The following BCL2L13 variants were observed in gnomAD, a reference collection of about 807,000 sequenced individuals.
BCL2L13 encodes BCL2 like 13.
A neutral mutation model predicts 25.8 loss-of-function variants in BCL2L13; 13 were observed. The ratio of observed to expected loss-of-function variants is 0.50; its 90% CI spans 0.33 to 0.80. The LOEUF is 0.80. Ranked by LOEUF, BCL2L13 falls within the 30% of genes least tolerant of loss-of-function variation. BCL2L13 has a pLI of 0.02. For synonymous variants in BCL2L13, 244 were observed against 230.3 expected, an observed-to-expected ratio of 1.06 and a Z score of -0.54; for missense variants, 504 against 574.9, an observed-to-expected ratio of 0.88 and a Z score of 1.26.
At chr22:17,703,731 G>T (rs1209865384) in intron 6 of BCL2L13, 3 of 152,112 alleles carry the variant, frequency 2.0e-5, no homozygotes, top group African/African-American at 7.2e-5. Flanking sequence ...TTTGTCTTAG[G>T]AAAATAAAAA....
chr22:17,637,878 A>G (rs1254928688), upstream of BCL2L13, among the ~76,000 whole-genome samples: 2 of 152,138 alleles, frequency 1.3e-5, no homozygotes, highest in African/African-American at 4.8e-5. Flanking sequence ...GAATTCACCT[A>G]TAGTGTACAA....
At chr22:17,637,384 G>A (rs2058128937), upstream of BCL2L13, among the ~76,000 whole-genome samples, 1 of 149,302 alleles carries the variant, frequency 6.7e-6, no homozygotes, top group Non-Finnish European at 1.5e-5. Context: ...TCCAGCCTGG[G>A]CGACAGAGTG....
intron 1 of BCL2L13, among the ~76,000 whole-genome samples, chr22:17,652,523 C>G (rs1380747194): frequency 6.6e-6 from 1 of 151,944 alleles, no homozygotes; most frequent in African/African-American, 2.4e-5. Context: ...ATTTCAACCT[C>G]TTCCTCCTGG....
intron 6 of BCL2L13, among the ~76,000 whole-genome samples, chr22:17,713,705 C>G (rs1236838110): frequency 1.3e-5 from 2 of 151,644 alleles, no homozygotes; most frequent in Non-Finnish European, 2.9e-5. Flanking sequence ...CGTGATCCAC[C>G]CACCTCAGCC....
chr22:17,657,793 G>T (rs956313226), intron 2 of BCL2L13, among the ~76,000 whole-genome samples: 1 of 148,782 alleles, frequency 6.7e-6, no homozygotes, highest in Non-Finnish European at 1.5e-5. Flanking sequence ...TAGGATTACA[G>T]GCGTGAGCCA....
chr22:17,667,791 G>A (rs2059280711), intron 2 of BCL2L13, among the ~76,000 whole-genome samples: 1 of 152,162 alleles, frequency 6.6e-6, no homozygotes, highest in Non-Finnish European at 1.5e-5. Context: ...TTACAGGCGT[G>A]AGCCACCGCG....
intron 5 of BCL2L13, among the ~76,000 whole-genome samples, chr22:17,698,120 T>C (rs1247621176): frequency 2.0e-5 from 3 of 151,914 alleles, no homozygotes; most frequent in Non-Finnish European, 4.4e-5. Context: ...CTGGCCTTTT[T>C]TTTTTTCAAG....
At chr22:17,716,407 T>C (rs1024468318) in intron 6 of BCL2L13, among the ~76,000 whole-genome samples, 14 of 152,292 alleles carry the variant, frequency 9.2e-5, no homozygotes, top group African/African-American at 3.4e-4. Flanking sequence ...AGTATCTATG[T>C]GAATAAGGAG....
chr22:17,667,963 C>CTTTTTTTTT (rs71201863), intron 2 of BCL2L13, among the ~76,000 whole-genome samples: 1 of 71,688 alleles, frequency 1.4e-5, no homozygotes, highest in Non-Finnish European at 2.6e-5. Flanking sequence ...TCCAGTTTGT[C>CTTTTTTTTT]TTTTTTTTTT....
chr22:17,684,809 T>C (rs1266340943), intron 3 of BCL2L13: 3 of 341,256 alleles, frequency 8.8e-6, no homozygotes, highest in African/African-American at 4.4e-5. Context: ...CTTGGCTCAC[T>C]GCAAGCTCCG....
At chr22:17,711,914 G>A (rs1457221225) in intron 6 of BCL2L13, among the ~76,000 whole-genome samples, 1 of 152,080 alleles carries the variant, frequency 6.6e-6, no homozygotes, top group African/African-American at 2.4e-5. Flanking sequence ...TGAATAGAAA[G>A]TGAGAGCAGA....
At chr22:17,657,791 C>G (rs1031792009) in intron 2 of BCL2L13, among the ~76,000 whole-genome samples, 10 of 145,738 alleles carry the variant, frequency 6.9e-5, no homozygotes, top group Non-Finnish European at 1.3e-4. Context: ...GCTAGGATTA[C>G]AGGCGTGAGC....
chr22:17,688,836 T>C (rs1405333872), intron 3 of BCL2L13, 150 bp from the exon 4 acceptor site: 12 of 537,922 alleles, frequency 2.2e-5, no homozygotes, highest in Non-Finnish European at 3.5e-5. Flanking sequence ...GGCGTGATCT[T>C]GGCTCACCAC....
intron 6 of BCL2L13, among the ~76,000 whole-genome samples, chr22:17,720,992 C>T (rs76779140): frequency 0.018 from 2,718 of 151,716 alleles, 76 homozygotes; most frequent in African/African-American, 0.061. Flanking sequence ...TAGTAGAAAC[C>T]CTGTCTCTAC....
At chr22:17,631,668 GTGTA>G (rs1156303959) in intron 1 of BCL2L13, among the ~76,000 whole-genome samples, 10 of 21,862 alleles carry the variant, frequency 4.6e-4, no homozygotes, top group Admixed American at 1.7e-3. Context: ...ATGTGTGTGT[GTGTA>G]TATATATATA....
chr22:17,635,224 CA>C (rs11414678), upstream of BCL2L13, among the ~76,000 whole-genome samples: 1 of 145,514 alleles, frequency 6.9e-6, no homozygotes, highest in African/African-American at 2.5e-5. Flanking sequence ...GCTATCTCTA[CA>C]AAAAAAAAAC....
chr22:17,645,413 G>A (rs1029590428), intron 1 of BCL2L13, among the ~76,000 whole-genome samples: 31 of 150,296 alleles, frequency 2.1e-4, no homozygotes, highest in African/African-American at 6.5e-4. Context: ...GTAGAGACAG[G>A]GTTTCACCAT....
intron 6 of BCL2L13, among the ~76,000 whole-genome samples, chr22:17,710,914 C>A (rs528966947): frequency 1.3e-5 from 2 of 152,050 alleles, no homozygotes; most frequent in Non-Finnish European, 1.5e-5. Context: ...ATAAATAAAT[C>A]TGAATTGGCT....
intron 1 of BCL2L13, among the ~76,000 whole-genome samples, chr22:17,640,336 G>T (rs1202709544): frequency 6.6e-6 from 1 of 152,014 alleles, no homozygotes; most frequent in Admixed American, 6.6e-5. Context: ...CATTTTTTAT[G>T]TGGAAGAGTA....
Sources: allele counts gnomAD v4.1 joint callset (sites outside exome capture counted in the v4.1 genomes callset), GRCh38; gene constraint gnomAD v4.1.1; transcripts MANE v1.5; gene names NCBI Gene and HGNC (gene_info 2026-07-23, HGNC 2026-07-21).